Variants in BTRC observed in about 807,000 individuals in gnomAD.
The protein encoded by BTRC is F-box/WD repeat-containing protein 1A.
In BTRC, 42 loss-of-function variants were observed where a neutral mutation model predicts 85.5. The ratio of observed to expected loss-of-function variants is 0.49; its 90% CI spans 0.38 to 0.64. BTRC has a LOEUF of 0.64. Among genes scored for constraint, BTRC ranks in the 30% least tolerant of loss-of-function variants. The probability of loss-of-function intolerance (pLI) is 0.00; values close to 1 mark genes in which losing one functional copy is unlikely to be tolerated. For synonymous variants in BTRC, 255 were observed against 263.3 expected (o/e 0.97, Z 0.30); for missense variants, 594 against 743.5 (o/e 0.80, Z 2.34).
chr10:101,432,252 C>T (rs184149823), intron 2 of BTRC, among the ~76,000 whole-genome samples: 16 of 151,912 alleles, frequency 1.1e-4, no homozygotes, highest in South Asian at 4.2e-4. Flanking sequence ...CTCAAACTTC[C>T]GGGTAGCTGA....
rs906341571 is a variant in BTRC, at chr10:101,518,103, G to A, written c.325-3536G>A. Among the ~76,000 whole-genome samples, 42 of 151,462 alleles carry A rather than the reference G, an allele frequency of 2.8e-4. 1 individual carries two copies. Among genetic ancestry groups the A allele is most frequent in the African/African-American group, 9.2e-4 (38 of 41,210 alleles). ...AATTTTTTGTATTTTTAGTAGAGAC[G>A]GGGTTTCACCGTTTTAGCCGGGATG... On this transcript the variant is annotated intron_variant, in intron 4 of 14. Transcript: ENST00000370187.
intron 3 of BTRC, among the ~76,000 whole-genome samples, chr10:101,475,922 CATATATATATATATAT>C (rs71016324): frequency 0.13 from 8,888 of 67,594 alleles, 656 homozygotes; most frequent in Non-Finnish European, 0.15. Flanking sequence ...AGTATTTTGC[CATATATATATATATAT>C]ATATATATAT....
intron 2 of BTRC, among the ~76,000 whole-genome samples, chr10:101,430,722 T>C (rs942688279): frequency 2.6e-5 from 4 of 152,182 alleles, no homozygotes; most frequent in African/African-American, 7.2e-5. Flanking sequence ...AGAAGTATGA[T>C]AGTAGATTTT....
intron 3 of BTRC, among the ~76,000 whole-genome samples, chr10:101,476,392 G>A (rs925672117): frequency 2.0e-5 from 3 of 152,128 alleles, no homozygotes; most frequent in Non-Finnish European, 4.4e-5. Context: ...TCTTAGTTTC[G>A]ATAAATGTTC....
chr10:101,404,997 TA>T (rs34206285), intron 1 of BTRC, among the ~76,000 whole-genome samples: 37,808 of 123,642 alleles, frequency 0.31, 7,815 homozygotes, highest in East Asian at 0.65. Context: ...GAATCCATCT[TA>T]AAAAAAAAAA....
intron 2 of BTRC, among the ~76,000 whole-genome samples, chr10:101,461,415 A>G (rs1945222191): frequency 6.6e-6 from 1 of 152,084 alleles, no homozygotes. Context: ...CCCCACTGAC[A>G]TTTTAGGGCC....
intron 1 of BTRC, among the ~76,000 whole-genome samples, chr10:101,412,096 A>C (rs1188886918): frequency 3.3e-5 from 5 of 152,172 alleles, no homozygotes; most frequent in Non-Finnish European, 7.4e-5. Context: ...TGTAGTTTCT[A>C]GTTGCTGAGC....
At chr10:101,425,759 G>A (rs958713781) in intron 1 of BTRC, among the ~76,000 whole-genome samples, 2 of 151,742 alleles carry the variant, frequency 1.3e-5, no homozygotes, top group African/African-American at 4.8e-5. Context: ...GCAGTGAGCT[G>A]TGATCGTGCC....
rs184060104 is a variant in BTRC, at chr10:101,436,321, G to A, written c.156+5869G>A. Among the ~76,000 whole-genome samples the A allele has an allele frequency of 5.9e-5, 9 of 152,254 alleles. No homozygotes were observed. In the East Asian group the frequency reaches 1.7e-3, roughly 29 times the overall value. On this transcript the variant is annotated intron_variant, in intron 2 of 14. Coordinates refer to ENST00000370187, the MANE Select transcript of BTRC (RefSeq NM_033637.4). ...CTTTATTTTGCTTTAGATATTGAAA[G>A]AGAAGAGAAATGAAATTCTGACTGT...
intron 4 of BTRC, among the ~76,000 whole-genome samples, chr10:101,516,584 G>A (rs1156398043): frequency 1.3e-5 from 2 of 152,178 alleles, no homozygotes; most frequent in African/African-American, 4.8e-5. Flanking sequence ...ATAAATACGT[G>A]AAATCTCAGT....
intron 4 of BTRC, among the ~76,000 whole-genome samples, chr10:101,521,114 T>C (rs140673720): frequency 1.3e-5 from 2 of 151,842 alleles, no homozygotes; most frequent in East Asian, 3.9e-4. Context: ...CAAAAAAAAA[T>C]GTTAAAAATT....
At chr10:101,366,774 A>ATG (rs1942389598) in intron 1 of BTRC, among the ~76,000 whole-genome samples, 1 of 110,104 alleles carries the variant, frequency 9.1e-6, no homozygotes, top group Non-Finnish European at 1.8e-5. Context: ...AGTTATATAT[A>ATG]TATATATATA....
chr10:101,410,397 A>G (rs1038692903), intron 1 of BTRC, among the ~76,000 whole-genome samples: 4 of 152,160 alleles, frequency 2.6e-5, no homozygotes, highest in African/African-American at 9.7e-5. Context: ...TGGGCGGATC[A>G]TGAGGTCAGG....
At chr10:101,418,005 A>G (rs970700980) in intron 1 of BTRC, among the ~76,000 whole-genome samples, 2 of 152,192 alleles carry the variant, frequency 1.3e-5, no homozygotes, top group Non-Finnish European at 2.9e-5. Flanking sequence ...AACTTTATTC[A>G]GTGGCTTATT....
At chr10:101,379,279 A>G (rs771604511) in intron 1 of BTRC, among the ~76,000 whole-genome samples, 1 of 152,208 alleles carries the variant, frequency 6.6e-6, no homozygotes, top group Non-Finnish European at 1.5e-5. Context: ...ACACATATGC[A>G]CCTCATCAAT....
chr10:101,366,920 ATATATATT>A (rs1942436157), intron 1 of BTRC, among the ~76,000 whole-genome samples: 1 of 3,112 alleles, frequency 3.2e-4, no homozygotes, highest in Non-Finnish European at 1.2e-3. Context: ...ATATATATTT[ATATATATT>A]TATATATATT....
At chr10:101,442,316 G>T (rs1033357288) in intron 2 of BTRC, among the ~76,000 whole-genome samples, 1 of 145,234 alleles carries the variant, frequency 6.9e-6, no homozygotes, top group South Asian at 2.1e-4. Context: ...GTGTGTGTGT[G>T]TGTAAATGAG....
At chr10:101,459,369 A>G (rs1349401731) in intron 2 of BTRC, among the ~76,000 whole-genome samples, 1 of 152,220 alleles carries the variant, frequency 6.6e-6, no homozygotes, top group East Asian at 1.9e-4. Flanking sequence ...CTGTAGACCT[A>G]GTAATCTCAT....
At chr10:101,359,099 A>G (rs1017730503) in intron 1 of BTRC, among the ~76,000 whole-genome samples, 36 of 152,310 alleles carry the variant, frequency 2.4e-4, no homozygotes, top group Middle Eastern at 3.4e-3. Flanking sequence ...GACTTCCCTT[A>G]ATGATGTCAC....
Sources: allele counts gnomAD v4.1 joint callset (sites outside exome capture counted in the v4.1 genomes callset), GRCh38; gene constraint gnomAD v4.1.1; transcripts MANE v1.5; gene names NCBI Gene and HGNC (gene_info 2026-07-23, HGNC 2026-07-21).